The following ZNF385B variants were observed in gnomAD, a reference collection of about 807,000 sequenced individuals.
The protein encoded by ZNF385B is zinc finger protein 533.
A neutral mutation model predicts 39.2 loss-of-function variants in ZNF385B; 23 were observed. The observed-to-expected ratio is 0.59, with a 90% CI of 0.42 to 0.83. The LOEUF is 0.83. Ranked by LOEUF, ZNF385B falls within the 40% of genes least tolerant of loss-of-function variation. The probability of loss-of-function intolerance (pLI) is 0.00; values close to 1 mark genes in which losing one functional copy is unlikely to be tolerated. For synonymous variants in ZNF385B, 205 were observed against 222.6 expected (o/e 0.92, Z 0.70); for missense variants, 552 against 598.9 (o/e 0.92, Z 0.82).
chr2:179,500,891 A>G (rs538650359), intron 5 of ZNF385B, among the ~76,000 whole-genome samples: 6 of 152,308 alleles, frequency 3.9e-5, no homozygotes, highest in Admixed American at 2.0e-4. Flanking sequence ...AAACAACTCT[A>G]TAGGAAGAAA....
At chr2:179,511,592 T>C (rs1559374361) in intron 5 of ZNF385B, among the ~76,000 whole-genome samples, 1 of 152,150 alleles carries the variant, frequency 6.6e-6, no homozygotes, top group Non-Finnish European at 1.5e-5. Flanking sequence ...AGGGAGGTCA[T>C]TGAACGACTG....
In ZNF385B at chr2:179,617,803, C is replaced by G. The variant is rs143368634; in HGVS notation, c.299-72834G>C. On this transcript the variant is annotated intron_variant, in intron 3 of 9. Coordinates refer to ENST00000410066, the MANE Select transcript of ZNF385B (RefSeq NM_152520.6). ...GGTGGGGGTTGGGCTTCTAGTATAC[C>G]CATCATCCAAATATTGGCCATTATA... 5.6e-3 allele frequency among the ~76,000 whole-genome samples: 845 copies of G among 152,132 alleles called. 5 individuals are homozygous for G. The highest frequency in any genetic ancestry group is 8.0e-3 in the Non-Finnish European group (543 of 67,982).
At chr2:179,758,562 T>A (rs1282715803) in intron 3 of ZNF385B, among the ~76,000 whole-genome samples, 1 of 152,224 alleles carries the variant, frequency 6.6e-6, no homozygotes, top group Admixed American at 6.5e-5. Flanking sequence ...TGTATGAATT[T>A]TAGAGAGACA....
chr2:179,703,188 C>T (rs1174795749), intron 3 of ZNF385B, among the ~76,000 whole-genome samples: 1 of 152,232 alleles, frequency 6.6e-6, no homozygotes, highest in East Asian at 1.9e-4. Context: ...CCCTCTAGTT[C>T]TCTCTGAAGC....
rs760866155 is a variant in ZNF385B at position 179,860,528 on chromosome 2, G to A, written c.-155+573C>T. ...ACACCTTCACCAGCGCTTAGTGGCC[G>A]AGGCCGCCCGTCAGGGCTCCCAACA... On this transcript the variant is annotated intron_variant, in intron 1 of 9. Transcript: ENST00000410066. Among the ~76,000 whole-genome samples the A allele has an allele frequency of 2.6e-5, 4 of 152,058 alleles. No homozygotes were observed. The East Asian group carries it at 5.8e-4, about 22-fold the overall frequency.
Position 179,683,760 on chromosome 2 carries a change from G to T in ZNF385B, c.298+85743C>A, listed in dbSNP as rs558143008. ...CAAAGTGCTAGGATTACAGGCGTGAGCCACGGTGCCTGGCCTTGAAATGTT... is the reference window on the plus strand; with the variant it reads ...CAAAGTGCTAGGATTACAGGCGTGATCCACGGTGCCTGGCCTTGAAATGTT... On this transcript the variant is annotated intron_variant, in intron 3 of 9. Transcript: ENST00000410066. Among the ~76,000 whole-genome samples the T allele has an allele frequency of 9.2e-5, 14 of 152,274 alleles. No homozygotes were observed. In the South Asian group the frequency reaches 2.9e-3, roughly 32 times the overall value.
intron 3 of ZNF385B, among the ~76,000 whole-genome samples, chr2:179,729,616 G>T (rs913451200): frequency 1.3e-5 from 2 of 152,062 alleles, no homozygotes; most frequent in Admixed American, 6.6e-5. Context: ...TATTCCAAGG[G>T]TCACATTACT....
Position 179,861,383 on chromosome 2 carries a change from GCACC to G in ZNF385B, c.-441_-438del, listed in dbSNP as rs1367649951. ...CGCTGCCCCCGCGCTGAGCGCCTGC[GCACC>G]GGGCCTCGCCCAGGTGAGGGGCGTG... On this transcript the variant is annotated 5_prime_UTR_variant, in exon 1 of 10. Coordinates refer to ENST00000410066, the MANE Select transcript of ZNF385B (RefSeq NM_152520.6). 6.7e-6 allele frequency: 1 copy of G among 150,078 alleles called. No individual in the cohort carries two copies. 9.3% of individuals were successfully genotyped at this position (150,078 alleles called of 1,614,324 possible).
intron 1 of ZNF385B, among the ~76,000 whole-genome samples, chr2:179,843,265 G>A (rs574639474): frequency 4.6e-5 from 7 of 152,140 alleles, no homozygotes; most frequent in Non-Finnish European, 1.0e-4. Context: ...AGGGAGCACA[G>A]GGGAACTAGC....
chr2:179,853,215 T>TC (rs1192919333), intron 1 of ZNF385B, among the ~76,000 whole-genome samples: 3 of 152,192 alleles, frequency 2.0e-5, no homozygotes, highest in Non-Finnish European at 4.4e-5. Context: ...TTAATACAAT[T>TC]CTAGTGCCTG....
intron 5 of ZNF385B, among the ~76,000 whole-genome samples, chr2:179,508,837 G>C (rs575017649): frequency 6.6e-6 from 1 of 151,994 alleles, no homozygotes; most frequent in South Asian, 2.1e-4. Flanking sequence ...TATCATGTTA[G>C]ACATCTATGT....
chr2:179,580,670 C>T (rs145740572), intron 3 of ZNF385B, among the ~76,000 whole-genome samples: 1 of 152,156 alleles, frequency 6.6e-6, no homozygotes, highest in Non-Finnish European at 1.5e-5. Context: ...GAGAAGGGGG[C>T]ATCTGCAAGC....
At chr2:179,502,853 C>A (rs367734796) in intron 5 of ZNF385B, among the ~76,000 whole-genome samples, 1 of 152,114 alleles carries the variant, frequency 6.6e-6, no homozygotes, top group Non-Finnish European at 1.5e-5. Flanking sequence ...TCTACTCAAG[C>A]TGATTCTTTA....
At chr2:179,529,922 T>C (rs971165415) in intron 4 of ZNF385B, among the ~76,000 whole-genome samples, 4 of 152,168 alleles carry the variant, frequency 2.6e-5, no homozygotes, top group African/African-American at 7.2e-5. Flanking sequence ...ATGGGTTGGG[T>C]GTTTCCTTAT....
intron 3 of ZNF385B, among the ~76,000 whole-genome samples, chr2:179,744,764 C>A (rs1346544201): frequency 6.6e-6 from 1 of 152,100 alleles, no homozygotes; most frequent in Non-Finnish European, 1.5e-5. Flanking sequence ...AAAATAGATT[C>A]CCCTGCCAAC....
intron 1 of ZNF385B, among the ~76,000 whole-genome samples, chr2:179,775,067 G>T (rs1208853221): frequency 6.6e-6 from 1 of 152,142 alleles, no homozygotes; most frequent in Non-Finnish European, 1.5e-5. Flanking sequence ...CTGATCTTCT[G>T]CTGCAAAGGG....
chr2:179,511,457 C>T (rs2057676898), intron 5 of ZNF385B, among the ~76,000 whole-genome samples: 1 of 151,972 alleles, frequency 6.6e-6, no homozygotes. Flanking sequence ...GCAGAAAGAC[C>T]GAGGAGGGCA....
chr2:179,468,220 G>A (rs531228015), intron 6 of ZNF385B, among the ~76,000 whole-genome samples: 15 of 152,196 alleles, frequency 9.9e-5, no homozygotes, highest in Non-Finnish European at 1.5e-4. Context: ...AACTGGCACC[G>A]ATGTTAGTGA....
chr2:179,734,163 T>A (rs1701588476), intron 3 of ZNF385B, among the ~76,000 whole-genome samples: 1 of 152,222 alleles, frequency 6.6e-6, no homozygotes, highest in Admixed American at 6.5e-5. Context: ...TTGCTGAGTA[T>A]TTTTTCCTGT....
Sources: allele counts gnomAD v4.1 joint callset (sites outside exome capture counted in the v4.1 genomes callset), GRCh38; gene constraint gnomAD v4.1.1; transcripts MANE v1.5; gene names NCBI Gene and HGNC (gene_info 2026-07-23, HGNC 2026-07-21).